The following AOX1 variants were observed in gnomAD, a reference collection of about 807,000 sequenced individuals.
AOX1 encodes aldehyde oxidase 1.
In AOX1, 153 loss-of-function variants were observed where a neutral mutation model predicts 169.5. That is an observed-to-expected ratio of 0.90 (90% confidence interval 0.79 to 1.03). AOX1 has a LOEUF of 1.03. Ranked by LOEUF, AOX1 falls within the 50% of genes least tolerant of loss-of-function variation. The pLI is 0.00. For synonymous variants in AOX1, 562 were observed against 581.9 expected (o/e 0.97, Z 0.49); for missense variants, 1,656 against 1,663.9 (o/e 1.00, Z 0.08).
Position 200,650,993 on chromosome 2 carries a change from A to G in AOX1, c.2867A>G (p.Tyr956Cys), listed in dbSNP as rs780973244. ...SPEKVRIINM[Y>C]KEIDQTPYKQ... ...TCATAGGTGCGAATCATAAACATGTACAAGGAAATTGATCAAACACCCTAC... is the reference window on the plus strand; with the variant it reads ...TCATAGGTGCGAATCATAAACATGTGCAAGGAAATTGATCAAACACCCTAC... Residue 956 changes from tyrosine to cysteine, a missense_variant, in exon 26 of 35, where the codon TAC becomes TGC. By Grantham distance (194) the Tyr-to-Cys change is radical. Transcript: ENST00000374700. 6.2e-6 allele frequency: 10 copies of G among 1,614,082 alleles called. No individual in the cohort carries two copies. The Admixed American group carries it at 1.0e-4, about 16-fold the overall frequency.
At chr2:200,628,987 C>T (rs752788587) in intron 20 of AOX1, among the ~76,000 whole-genome samples, 4 of 152,080 alleles carry the variant, frequency 2.6e-5, no homozygotes, top group Non-Finnish European at 5.9e-5. Flanking sequence ...TTTTTCTCAC[C>T]AACCTTGATC....
At chr2:200,655,087 C>T (rs996448428) in intron 26 of AOX1, among the ~76,000 whole-genome samples, 7 of 152,208 alleles carry the variant, frequency 4.6e-5, no homozygotes, top group Admixed American at 3.3e-4. Context: ...GCACACTTTG[C>T]GAGCCAAGGA....
At chr2:200,615,876 A>C in intron 15 of AOX1, 95 bp from the exon 16 acceptor site, 18 of 856,716 alleles carry the variant, frequency 2.1e-5, no homozygotes, top group African/African-American at 3.3e-5. Context: ...ACTTCAGAGT[A>C]GAGATGCTTG....
At chr2:200,594,088 G>A (rs2034230150) in intron 2 of AOX1, among the ~76,000 whole-genome samples, 1 of 152,150 alleles carries the variant, frequency 6.6e-6, no homozygotes, top group Non-Finnish European at 1.5e-5. Flanking sequence ...TAGGAGAAAT[G>A]CCTGTGGGAA....
In AOX1 at chr2:200,651,141, AG is replaced by A; in HGVS notation, c.3017del (p.Gly1006AspfsTer7). The A allele has an allele frequency of 6.2e-7, 1 of 1,614,184 alleles. No homozygotes were observed. The highest frequency in any genetic ancestry group is 8.5e-7 in the Non-Finnish European group (1 of 1,180,032). ...ATGCAGAGAATTATTGGAAGAAGAA[AG>A]GACTGGCCATGGTCCCCCTGAAGTT... is the stretch of plus-strand genomic sequence containing the variant. ...FNAENYWKKK[G>X]LAMVPLKFPV... On this transcript the variant is annotated frameshift_variant, in exon 26 of 35. Transcript: ENST00000374700. LOFTEE classifies it high-confidence loss of function.
At position 200,627,434 on chromosome 2, in the gene AOX1, G is replaced by T. The variant is rs1240476001; in HGVS notation, c.2206G>T (p.Asp736Tyr). 1 of 1,612,886 alleles carries T rather than the reference G, an allele frequency of 6.2e-7. No homozygotes were observed. The highest frequency in any genetic ancestry group is 8.5e-7 in the Non-Finnish European group (1 of 1,178,942). ...TGTTGACGAAGCATTTAAAGTGGTT[G>T]ATCAAATTCTTGAAGGTAAAAAGTA... is the stretch of plus-strand genomic sequence containing the variant. ...GNVDEAFKVV[D>Y]QILEGEIHMG... The change falls in exon 20 of 35, where the codon GAT becomes TAT. Residue 736 changes from aspartate (D) to tyrosine (Y), a missense_variant. Coordinates refer to ENST00000374700, the MANE Select transcript of AOX1 (RefSeq NM_001159.4).
intron 1 of AOX1, among the ~76,000 whole-genome samples, chr2:200,589,444 A>G (rs2034123069): frequency 6.6e-6 from 1 of 152,194 alleles, no homozygotes; most frequent in Admixed American, 6.5e-5. Context: ...AGAACTAGTC[A>G]GGGATGGGTT....
intron 12 of AOX1, 139 bp from the exon 13 acceptor site, chr2:200,611,245 A>G (rs1396130433): frequency 1.5e-6 from 1 of 666,594 alleles, no homozygotes; most frequent in Non-Finnish European, 2.7e-6. Flanking sequence ...AGGGTAAAAG[A>G]TTTGCGAAGC....
chr2:200,681,081 A>G (rs1336841658), downstream of AOX1, among the ~76,000 whole-genome samples: 2 of 152,214 alleles, frequency 1.3e-5, no homozygotes, highest in African/African-American at 4.8e-5. Context: ...CAATAAAAGT[A>G]GGTAATCCCT....
intron 10 of AOX1, among the ~76,000 whole-genome samples, chr2:200,606,223 C>A (rs1394320718): frequency 6.6e-6 from 1 of 152,152 alleles, no homozygotes; most frequent in Non-Finnish European, 1.5e-5. Context: ...TTTCCCAGCA[C>A]CATTTATTAA....
At chr2:200,598,907 C>A (rs2034345127) in intron 4 of AOX1, among the ~76,000 whole-genome samples, 1 of 151,922 alleles carries the variant, frequency 6.6e-6, no homozygotes, top group Non-Finnish European at 1.5e-5. Flanking sequence ...AGATCATTAC[C>A]CAGAGGGAGA....
chr2:200,654,085 C>G (rs1015927899), intron 26 of AOX1, among the ~76,000 whole-genome samples: 3 of 151,716 alleles, frequency 2.0e-5, no homozygotes, highest in African/African-American at 7.3e-5. Context: ...CTGCAGTGGC[C>G]TCTAAGTGTT....
chr2:200,659,172 G>T lies in AOX1; in HGVS notation c.3179G>T (p.Ser1060Ile), dbSNP rs1300408198. 2 of 1,613,832 alleles carry T rather than the reference G, an allele frequency of 1.2e-6. No individual in the cohort carries two copies. The highest frequency in any genetic ancestry group is 1.7e-6 in the Non-Finnish European group (2 of 1,179,832). Residue 1060 changes from serine (S) to isoleucine (I), a missense_variant, in exon 28 of 35, where the codon AGC becomes ATC. Physicochemically the swap from Ser to Ile is moderately radical, Grantham distance 142. Transcript: ENST00000374700. ...CTCTCTCTTAAAATTCAGGTGGTCA[G>T]CCGTGAATTAAGAATGCCAATGTCG... is the stretch of plus-strand genomic sequence containing the variant. The part of the protein sequence containing the change: ...GVHTKMIQVV[S>I]RELRMPMSNV...
intron 1 of AOX1, among the ~76,000 whole-genome samples, chr2:200,587,186 G>A (rs2034056360): frequency 6.6e-6 from 1 of 151,966 alleles, no homozygotes; most frequent in Admixed American, 6.5e-5. Flanking sequence ...AGCTACTGGG[G>A]AGGGTGAAGG....
intron 1 of AOX1, among the ~76,000 whole-genome samples, chr2:200,592,549 G>GC (rs34798357): frequency 0.75 from 113,921 of 152,012 alleles, 42,799 homozygotes; most frequent in East Asian, 0.81. Flanking sequence ...CTGCTGCTAT[G>GC]TGCCAGGCTG....
chr2:200,649,857 G>A (rs957095211), intron 25 of AOX1, among the ~76,000 whole-genome samples: 3 of 152,160 alleles, frequency 2.0e-5, no homozygotes, highest in South Asian at 2.1e-4. Flanking sequence ...GACTTCTCCC[G>A]GCAAGCTCAC....
At chr2:200,620,055 T>G (rs557717279) in intron 16 of AOX1, among the ~76,000 whole-genome samples, 2 of 152,320 alleles carry the variant, frequency 1.3e-5, no homozygotes, top group Admixed American at 1.3e-4. Context: ...ATTTGTTTAC[T>G]TACACAAATG....
chr2:200,599,005 G>A lies in AOX1; in HGVS notation c.310-615G>A, dbSNP rs371274625. ...CCATGTGAGACCTGGTCATACACAGGCATACAATACCCTTTCATTTCTTCA... is the reference window on the plus strand; with the variant it reads ...CCATGTGAGACCTGGTCATACACAGACATACAATACCCTTTCATTTCTTCA... On this transcript the variant is annotated intron_variant, in intron 4 of 34. Transcript: ENST00000374700. Among the ~76,000 whole-genome samples the A allele has an allele frequency of 7.7e-4, 117 of 152,198 alleles. 1 individual carries two copies. Among genetic ancestry groups the A allele is most frequent in the African/African-American group, 2.8e-3 (115 of 41,520 alleles).
intron 29 of AOX1, among the ~76,000 whole-genome samples, chr2:200,660,653 G>A (rs2105769141): frequency 6.6e-6 from 1 of 152,310 alleles, no homozygotes. Flanking sequence ...ACTACCAGAT[G>A]TTGTGGAACA....
Sources: allele counts gnomAD v4.1 joint callset (sites outside exome capture counted in the v4.1 genomes callset), GRCh38; gene constraint gnomAD v4.1.1; transcripts MANE v1.5; gene names NCBI Gene and HGNC (gene_info 2026-07-23, HGNC 2026-07-21).